SLC44A4: variants seen among roughly 807,000 people sequenced by gnomAD.
The protein encoded by SLC44A4 is solute carrier family 44 member 4.
SLC44A4 carries 74 observed loss-of-function variants against 97.0 expected under a neutral mutation model. The observed-to-expected ratio is 0.76, with a 90% CI of 0.63 to 0.93. SLC44A4 has a LOEUF of 0.93. Among genes scored for constraint, SLC44A4 ranks in the 40% least tolerant of loss-of-function variants. SLC44A4 has a pLI of 0.00. For missense variants in SLC44A4, 799 were observed against 902.9 expected, an observed-to-expected ratio of 0.88 and a Z score of 1.48; for synonymous variants, 325 against 363.8, an observed-to-expected ratio of 0.89 and a Z score of 1.21.
rs1342736282 is a variant in SLC44A4 at position 31,863,426 on chromosome 6, C to T, written c.*201G>A. On this transcript the variant is annotated 3_prime_UTR_variant, in exon 21 of 21. Coordinates refer to ENST00000229729, the MANE Select transcript of SLC44A4 (RefSeq NM_025257.3). Reference sequence around the variant, plus strand: ...TTTTTAATAGAGACGGAGGTTTCACCATGTTGGCCAGGCTGGTCTCGAACT... The same window carrying T: ...TTTTTAATAGAGACGGAGGTTTCACTATGTTGGCCAGGCTGGTCTCGAACT... The T allele has an allele frequency of 1.5e-5, 9 of 601,812 alleles. No individual in the cohort carries two copies. Among genetic ancestry groups the T allele is most frequent in the Non-Finnish European group, 2.4e-5 (9 of 377,486 alleles). 37.3% of individuals were successfully genotyped at this position (601,812 alleles called of 1,614,324 possible).
rs377153748 is a variant in SLC44A4, at chr6:31,866,492, T to C, written c.1234-366A>G. ...TTAATTTTGTGAGATGTGATAATGA[T>C]ATAGTGGCTATGCTTTTAAACAGTT... On this transcript the variant is annotated intron_variant, in intron 13 of 20. Transcript: ENST00000229729. Among the ~76,000 whole-genome samples the C allele has an allele frequency of 1.2e-3, 180 of 152,300 alleles. 3 individuals carry two copies. In the Middle Eastern group the frequency reaches 0.014, roughly 12 times the overall value.
rs660550 is a variant in SLC44A4 at position 31,869,500 on chromosome 6, C to A, written c.1130+45G>T. 849,417 of 1,497,728 alleles carry A rather than the reference C, an allele frequency of 0.57. 245,443 individuals are homozygous for A. Among genetic ancestry groups the A allele is most frequent in the Middle Eastern group, 0.79 (4,600 of 5,798 alleles). 92.8% of individuals were successfully genotyped at this position (1,497,728 alleles called of 1,614,324 possible). A position where few individuals can be genotyped will look rare whatever the true frequency, so the allele number is the denominator to read the frequency against. On this transcript the variant is annotated intron_variant, in intron 12 of 20. Coordinates refer to ENST00000229729, the MANE Select transcript of SLC44A4 (RefSeq NM_025257.3). ...GCAAGTATTGCTTTGTTTTCCATCA[C>A]CCCCCAGGACTCCAAGAGTGGCTGG...
Position 31,874,185 on chromosome 6 carries a change from A to T in SLC44A4, c.529+275T>A, listed in dbSNP as rs1763319506. Among the ~76,000 whole-genome samples the T allele has an allele frequency of 6.6e-6, 1 of 152,090 alleles. No individual in the cohort carries two copies. The highest frequency in any genetic ancestry group is 2.1e-4 in the South Asian group (1 of 4,828). Reference sequence around the variant, plus strand: ...AGATTTTCATACAGTCTCTTTGTGAACAACTCTAATCTCTTCACCTAGAAT... The same window carrying T: ...AGATTTTCATACAGTCTCTTTGTGATCAACTCTAATCTCTTCACCTAGAAT... On this transcript the variant is annotated intron_variant, in intron 7 of 20. Transcript: ENST00000229729. This position sits in a 1 kb window ranked among gnomAD's most constrained non-coding sequence, Gnocchi z 4.8.
chr6:31,877,442 C>G lies in SLC44A4; in HGVS notation c.41-360G>C. On this transcript the variant is annotated intron_variant, in intron 1 of 20. Transcript: ENST00000229729. This position sits in a 1 kb window ranked among gnomAD's most constrained non-coding sequence, Gnocchi z 6.5. Reference sequence around the variant, plus strand: ...AGCTGGGATGTGGGACTCCCAGTGGCTCTCACTCCCTCATTCTCATCCCTG... The same window carrying G: ...AGCTGGGATGTGGGACTCCCAGTGGGTCTCACTCCCTCATTCTCATCCCTG... The G allele has an allele frequency of 2.2e-5, 8 of 359,606 alleles. No individual in the cohort carries two copies. Among genetic ancestry groups the G allele is most frequent in the South Asian group, 6.0e-5 (1 of 16,770 alleles). 22.3% of individuals were successfully genotyped at this position (359,606 alleles called of 1,614,324 possible).
At chr6:31,866,276 G>A in intron 13 of SLC44A4, 150 bp from the exon 14 acceptor site, 1 of 1,037,072 alleles carries the variant, frequency 9.6e-7, no homozygotes, top group Non-Finnish European at 1.4e-6. Context: ...TTCTGTCGGA[G>A]AGTTCCATCT....
In SLC44A4 at chr6:31,874,953, G is replaced by C. The variant is rs758008624; in HGVS notation, c.318C>G (p.Asn106Lys). ...LSSNIISVAE[N>K]GLQCPTPQVC... ...CCTGGGGTGTGGGGCACTGTAGGCC[G>C]TTCTCAGCAACTGAGATGATGTTGC... Residue 106 changes from asparagine to lysine, a missense_variant, in exon 5 of 21, where the codon AAC (asparagine) becomes AAG (lysine). Asn to Lys is a moderately conservative substitution (Grantham distance 94). Around this residue, in one of 3 missense-constraint regions of SLC44A4, gnomAD observed 409 missense variants for 434.1 expected, o/e 0.94. Transcript: ENST00000229729. This position sits in a 1 kb window ranked among gnomAD's most constrained non-coding sequence, Gnocchi z 4.8. The C allele has an allele frequency of 6.2e-7, 1 of 1,613,718 alleles. No homozygotes were observed. Among genetic ancestry groups the C allele is most frequent in the Non-Finnish European group, 8.5e-7 (1 of 1,179,962 alleles).
Position 31,866,106 on chromosome 6 carries a change from C to T in SLC44A4, c.1254G>A (p.Ser418=), listed in dbSNP as rs372663249. The T allele has an allele frequency of 1.9e-5, 31 of 1,613,964 alleles. No homozygotes were observed. The South Asian group carries it at 2.0e-4, about 10-fold the overall frequency. The change falls in exon 14 of 21, where the codon TCG becomes TCA. Residue 418 remains serine, a synonymous_variant. Coordinates refer to ENST00000229729, the MANE Select transcript of SLC44A4 (RefSeq NM_025257.3). ...CNPTAHLVNS[S]CPGLMCVFQG... is the part of the protein sequence containing the mutation. ...GGAAGACGCACATCAGCCCTGGGCACGAGGAGTTCACAAGGTGGGCCTGGG... is the reference window on the plus strand; with the variant it reads ...GGAAGACGCACATCAGCCCTGGGCATGAGGAGTTCACAAGGTGGGCCTGGG...
rs566769240 is a variant in SLC44A4, at chr6:31,876,393, C to T, written c.90-264G>A. On this transcript the variant is annotated intron_variant, in intron 2 of 20. Transcript: ENST00000229729. The surrounding 1 kb of genome is among the most constrained non-coding windows in gnomAD (Gnocchi z 4.8). The stretch of plus-strand genomic sequence containing the variant: ...AAGCAATTCTCCTGCCTTAGCCTCC[C>T]GAGTAGCTGGGATTACAGGCGCGTG... Among the ~76,000 whole-genome samples, 42 of 152,184 alleles carry T rather than the reference C, an allele frequency of 2.8e-4. No individual in the cohort carries two copies. Among genetic ancestry groups the T allele is most frequent in the African/African-American group, 9.2e-4 (38 of 41,512 alleles).
intron 11 of SLC44A4, among the ~76,000 whole-genome samples, chr6:31,870,309 G>A (rs1436894242): frequency 1.3e-5 from 2 of 152,056 alleles, no homozygotes; most frequent in Non-Finnish European, 2.9e-5. Context: ...GCCCCTCCTG[G>A]CCCGGATTCC....
In SLC44A4 at chr6:31,870,596, C is replaced by G. The variant is rs567005709; in HGVS notation, c.1037+7G>C. On this transcript the variant is annotated splice_region_variant and intron_variant, in intron 11 of 20. Transcript: ENST00000229729. ...CAACCCCATCTCCCTCCCAGGCAGG[C>G]CCTAACTTGCTGGCCTCCTTCAGGA... is the stretch of plus-strand genomic sequence containing the variant. The G allele has an allele frequency of 9.5e-5, 151 of 1,587,884 alleles. 1 individual carries two copies. In the East Asian group the frequency reaches 3.5e-3, roughly 36 times the overall value.
At position 31,863,641 on chromosome 6, in the gene SLC44A4, T is replaced by G; in HGVS notation, c.2119A>C (p.Lys707Gln). The change falls in exon 21 of 21, where the codon AAG becomes CAG. Residue 707 changes from lysine (K) to glutamine (Q), a missense_variant. This residue lies in a region of SLC44A4 where 379 missense variants were observed against 438.3 expected (regional missense o/e 0.86). Transcript: ENST00000229729. The stretch of plus-strand genomic sequence containing the variant: ...GGCCGGAGCTGTCACTTCTTCCTCT[T>G]CTTGTTGTCCGGGGGCGCCTCGTTC... Reference protein sequence around the residue: ...KKNEAPPDNKKRKK With the variant: ...KKNEAPPDNKQRKK The G allele has an allele frequency of 6.2e-7, 1 of 1,611,430 alleles. No homozygotes were observed. Among genetic ancestry groups the G allele is most frequent in the Non-Finnish European group, 8.5e-7 (1 of 1,179,410 alleles).
At chr6:31,872,067 C>T (rs189461478) in intron 7 of SLC44A4, among the ~76,000 whole-genome samples, 230 of 152,198 alleles carry the variant, frequency 1.5e-3, no homozygotes, top group African/African-American at 5.2e-3. Context: ...GAAATCCCAT[C>T]CATGACTCCC....
chr6:31,874,395 T>C lies in SLC44A4; in HGVS notation c.529+65A>G. The C allele has an allele frequency of 6.4e-7, 1 of 1,565,908 alleles. No individual in the cohort carries two copies. ...GACTTCACTCTCTCTGGGCCTGATTTCTTCATTCAAGCAATGAAAACACTG... is the reference window on the plus strand; with the variant it reads ...GACTTCACTCTCTCTGGGCCTGATTCCTTCATTCAAGCAATGAAAACACTG... On this transcript the variant is annotated intron_variant, in intron 7 of 20. Coordinates refer to ENST00000229729, the MANE Select transcript of SLC44A4 (RefSeq NM_025257.3). The surrounding 1 kb of genome is among the most constrained non-coding windows in gnomAD (Gnocchi z 4.8).
chr6:31,869,521 G>T (rs1763034940), intron 12 of SLC44A4, 24 bp downstream of exon 12: 3 of 1,569,896 alleles, frequency 1.9e-6, no homozygotes, highest in African/African-American at 1.3e-5. Context: ...TCCAAGAGTG[G>T]CTGGCTGCGT....
In SLC44A4 at chr6:31,878,814, C is replaced by G; in HGVS notation, c.40+127G>C. 8.5e-7 allele frequency: 1 copy of G among 1,179,610 alleles called. No homozygotes were observed. The highest frequency in any genetic ancestry group is 1.8e-5 in the Admixed American group (1 of 56,922). The allele number at this position is 1,179,610 out of a possible 1,614,324, so 73.1% of individuals were successfully genotyped here. A position where few individuals can be genotyped will look rare whatever the true frequency, so the allele number is the denominator to read the frequency against. Reference sequence around the variant, plus strand: ...CCCTCCCTCCATGGCTCCCGGTTCCCGGGCCCTCCCCTCAGGGACACAGTA... The same window carrying G: ...CCCTCCCTCCATGGCTCCCGGTTCCGGGGCCCTCCCCTCAGGGACACAGTA... On this transcript the variant is annotated intron_variant, in intron 1 of 20. Coordinates refer to ENST00000229729, the MANE Select transcript of SLC44A4 (RefSeq NM_025257.3). The surrounding 1 kb of genome is among the most constrained non-coding windows in gnomAD (Gnocchi z 4.0).
At chr6:31,875,805 C>G (rs763752100) in intron 4 of SLC44A4, 47 bp downstream of exon 4, 1 of 1,537,720 alleles carries the variant, frequency 6.5e-7, no homozygotes, top group Non-Finnish European at 8.8e-7. Flanking sequence ...TCCTGCCCAC[C>G]CTACCTCGCC....
intron 12 of SLC44A4, 83 bp from the exon 13 acceptor site, chr6:31,869,340 T>C: frequency 8.7e-7 from 1 of 1,147,894 alleles, no homozygotes; most frequent in East Asian, 2.4e-5. Flanking sequence ...TAGGTGCTTG[T>C]GCAGATCGTT....
chr6:31,864,670 T>G lies in SLC44A4; in HGVS notation c.1993A>C (p.Thr665Pro). 1 of 1,613,470 alleles carries G rather than the reference T, an allele frequency of 6.2e-7. No individual in the cohort carries two copies. Among genetic ancestry groups the G allele is most frequent in the Non-Finnish European group, 8.5e-7 (1 of 1,179,978 alleles). The change falls in exon 20 of 21, where the codon ACG becomes CCG. Residue 665 changes from threonine to proline, a missense_variant. Coordinates refer to ENST00000229729, the MANE Select transcript of SLC44A4 (RefSeq NM_025257.3). The stretch of plus-strand genomic sequence containing the variant: ...CACTCACGGAAGCAGAGGAAGAGCG[T>G]GTCCACACACATGCCGAAAACGCTG... ...FFSVFGMCVD[T>P]LFLCFLEDLE... is the part of the protein sequence containing the mutation.
chr6:31,863,648 G>T lies in SLC44A4; in HGVS notation c.2112C>A (p.Asp704Glu). 1 of 1,612,134 alleles carries T rather than the reference G, an allele frequency of 6.2e-7. No homozygotes were observed. ...GCTGTCACTTCTTCCTCTTCTTGTT[G>T]TCCGGGGGCGCCTCGTTCTTCTTGC... Reference protein sequence around the residue: ...ILGKKNEAPPDNKKRKK With the variant: ...ILGKKNEAPPENKKRKK The change falls in exon 21 of 21, where the codon GAC becomes GAA. Residue 704 changes from aspartate to glutamate, a missense_variant. By Grantham distance (45) the Asp-to-Glu change is conservative. This residue lies in a region of SLC44A4 where 379 missense variants were observed against 438.3 expected (regional missense o/e 0.86). Transcript: ENST00000229729.
Sources: allele counts gnomAD v4.1 joint callset (sites outside exome capture counted in the v4.1 genomes callset), GRCh38; gene constraint gnomAD v4.1.1; regional missense constraint gnomAD v4.1.1; non-coding constraint Gnocchi (gnomAD v3.1); transcripts MANE v1.5; gene names NCBI Gene and HGNC (gene_info 2026-07-23, HGNC 2026-07-21).